Variants in CDH18 observed in about 807,000 individuals in gnomAD.
CDH18 encodes the protein cadherin-18.
CDH18 carries 31 observed loss-of-function variants against 67.9 expected under a neutral mutation model. That is an observed-to-expected ratio of 0.46 (90% CI 0.34 to 0.62). The LOEUF is 0.62. Ranked by LOEUF, CDH18 falls within the 20% of genes least tolerant of loss-of-function variation. The pLI, the probability that CDH18 is intolerant of heterozygous loss-of-function variation, is 0.01. For missense variants in CDH18, 890 were observed against 975.5 expected (o/e 0.91, Z 1.17); for synonymous variants, 362 against 347.2 (o/e 1.04, Z -0.48).
At chr5:20,574,732 C>T (rs1052830459) in intron 1 of CDH18, among the ~76,000 whole-genome samples, 13 of 151,986 alleles carry the variant, frequency 8.6e-5, no homozygotes, top group Non-Finnish European at 1.6e-4. Context: ...GCGAAGTTCC[C>T]ATATATTCAC....
chr5:20,446,117 T>C (rs1010371339), intron 1 of CDH18, among the ~76,000 whole-genome samples: 7 of 152,122 alleles, frequency 4.6e-5, no homozygotes, highest in Non-Finnish European at 8.8e-5. Flanking sequence ...TAAATTTTAT[T>C]ATAATGAGCT....
intron 2 of CDH18, among the ~76,000 whole-genome samples, chr5:20,067,011 A>G (rs913887781): frequency 1.4e-5 from 2 of 147,524 alleles, no homozygotes; most frequent in Non-Finnish European, 3.0e-5. Context: ...TATATATTGG[A>G]AAAAAAAACA....
chr5:20,175,998 A>G (rs1277072314), intron 2 of CDH18, among the ~76,000 whole-genome samples: 1 of 152,176 alleles, frequency 6.6e-6, no homozygotes, highest in Non-Finnish European at 1.5e-5. Context: ...TGTGAGTAGA[A>G]GTTATGTATT....
At chr5:20,241,329 C>A (rs1276613534) in intron 2 of CDH18, among the ~76,000 whole-genome samples, 1 of 152,136 alleles carries the variant, frequency 6.6e-6, no homozygotes, top group African/African-American at 2.4e-5. Context: ...AACCTAGCTT[C>A]AAGCATATAT....
chr5:19,571,542 A>C, intron 8 of CDH18, 37 bp downstream of exon 8: 1 of 1,565,090 alleles, frequency 6.4e-7, no homozygotes, highest in Non-Finnish European at 8.7e-7. Flanking sequence ...AGGCAATAAA[A>C]ATCTTTCTAT....
At chr5:19,678,205 T>C (rs1473254224) in intron 5 of CDH18, among the ~76,000 whole-genome samples, 1 of 149,618 alleles carries the variant, frequency 6.7e-6, no homozygotes, top group Non-Finnish European at 1.5e-5. Flanking sequence ...ACATGCTCTA[T>C]ATTGATCACA....
intron 3 of CDH18, among the ~76,000 whole-genome samples, chr5:19,748,380 A>G (rs1179105409): frequency 6.6e-6 from 1 of 152,094 alleles, no homozygotes; most frequent in Non-Finnish European, 1.5e-5. Context: ...TTGAGATAAT[A>G]CACTTTGTTG....
In CDH18 at chr5:20,358,427, T is replaced by A. The variant is rs148291641; in HGVS notation, c.-579-102922A>T. On this transcript the variant is annotated intron_variant, in intron 1 of 14. Transcript: ENST00000507958. ...ACACATCCCATTTCCTATCAGGTGA[T>A]AAAGGGTACAGATATTTCTGATTAT... Among the ~76,000 whole-genome samples, 25 of 152,306 alleles carry A rather than the reference T, an allele frequency of 1.6e-4. No homozygotes were observed. In the East Asian group the frequency reaches 4.6e-3, roughly 28 times the overall value.
rs55950427 is a variant in CDH18 at position 19,750,760 on chromosome 5, G to GC, written c.229-3525dup. Among the ~76,000 whole-genome samples, 377 of 137,712 alleles carry GC rather than the reference G, an allele frequency of 2.7e-3. 1 individual carries two copies. The highest frequency in any genetic ancestry group is 7.6e-3 in the African/African-American group (255 of 33,648). 90.3% of individuals were successfully genotyped at this position (137,712 alleles called of 152,430 possible). On this transcript the variant is annotated intron_variant, in intron 3 of 12. Coordinates refer to ENST00000382275, the MANE Select transcript of CDH18 (RefSeq NM_004934.5). ...TTAGATTTTAGTCATATACAGTGAA[G>GC]CCCCCCCCCCCCCACTTTTTTTAAA...
rs146252318 is a variant in CDH18, at chr5:20,300,011, T to C, written c.-579-44506A>G. Among the ~76,000 whole-genome samples the C allele has an allele frequency of 7.0e-3, 1,071 of 152,232 alleles. 17 individuals are homozygous for C. The highest frequency in any genetic ancestry group is 0.024 in the African/African-American group (1,008 of 41,524). ...ACATGAATTGATAAAATCAAATAAC[T>C]GTCGAGGATTGCAGTTCATTTTTCA... On this transcript the variant is annotated intron_variant, in intron 1 of 14. Transcript: ENST00000507958.
intron 2 of CDH18, among the ~76,000 whole-genome samples, chr5:20,071,249 T>C (rs771848016): frequency 1.3e-5 from 2 of 152,114 alleles, no homozygotes; most frequent in Non-Finnish European, 2.9e-5. Flanking sequence ...GAAACAGTAT[T>C]GAAGATCCTG....
chr5:20,281,326 A>G (rs1368738801), intron 1 of CDH18, among the ~76,000 whole-genome samples: 2 of 151,886 alleles, frequency 1.3e-5, no homozygotes, highest in African/African-American at 4.8e-5. Context: ...TCTTCTAGGG[A>G]TTTTATGGTT....
intron 1 of CDH18, among the ~76,000 whole-genome samples, chr5:20,571,827 T>C (rs938681963): frequency 2.0e-5 from 3 of 152,148 alleles, no homozygotes. Flanking sequence ...GTCACTCACA[T>C]TGTGTATGTC....
At chr5:19,829,963 A>G (rs10041207) in intron 3 of CDH18, among the ~76,000 whole-genome samples, 83,888 of 152,096 alleles carry the variant, frequency 0.55, 23,443 homozygotes, top group Middle Eastern at 0.68. Flanking sequence ...TCAATAAATA[A>G]TGCTAGGATA....
At chr5:20,026,487 A>G (rs1738913349) in intron 2 of CDH18, among the ~76,000 whole-genome samples, 1 of 152,218 alleles carries the variant, frequency 6.6e-6, no homozygotes, top group South Asian at 2.1e-4. Flanking sequence ...ATGTATGTCT[A>G]TAAGCATGAA....
intron 6 of CDH18, among the ~76,000 whole-genome samples, chr5:19,604,597 T>C (rs151084930): frequency 3.1e-3 from 467 of 150,796 alleles, no homozygotes; most frequent in Non-Finnish European, 5.1e-3. Context: ...GAGATTTTCC[T>C]GCATTTAAGA....
intron 4 of CDH18, among the ~76,000 whole-genome samples, chr5:19,733,987 G>C (rs1446048839): frequency 6.6e-6 from 1 of 152,296 alleles, no homozygotes; most frequent in South Asian, 2.1e-4. Context: ...GCAGTGGGCT[G>C]AGTAGGTGGG....
intron 2 of CDH18, among the ~76,000 whole-genome samples, chr5:20,062,665 C>A (rs1742604205): frequency 6.6e-6 from 1 of 152,130 alleles, no homozygotes; most frequent in Non-Finnish European, 1.5e-5. Flanking sequence ...TGAGCCTTTA[C>A]TGACTTGGGA....
chr5:19,700,447 CTG>C (rs2150473726), intron 5 of CDH18, among the ~76,000 whole-genome samples: 1 of 152,264 alleles, frequency 6.6e-6, no homozygotes, highest in Non-Finnish European at 1.5e-5. Flanking sequence ...GTGTGTCTCT[CTG>C]TGTATACAAA....
Sources: allele counts gnomAD v4.1 joint callset (sites outside exome capture counted in the v4.1 genomes callset), GRCh38; gene constraint gnomAD v4.1.1; transcripts MANE v1.5; gene names NCBI Gene and HGNC (gene_info 2026-07-23, HGNC 2026-07-21).